LAMA5: variants seen among roughly 807,000 people sequenced by gnomAD.
LAMA5 encodes laminin subunit alpha-5.
In LAMA5, 260 loss-of-function variants were observed where a neutral mutation model predicts 433.4. That is an observed-to-expected ratio of 0.60 (90% confidence interval 0.54 to 0.66). The LOEUF is 0.66. Ranked by LOEUF, LAMA5 falls within the 30% of genes least tolerant of loss-of-function variation. The pLI is 0.00. For missense variants in LAMA5, 5,378 were observed against 5,258.5 expected (o/e 1.02, Z -0.70); for synonymous variants, 2,620 against 2,226.6 (o/e 1.18, Z -4.97).
At chr20:62,353,310 G>T in intron 2 of LAMA5, 59 bp from the exon 3 acceptor site, 2 of 1,254,726 alleles carry the variant, frequency 1.6e-6, no homozygotes, top group Non-Finnish European at 2.3e-6. Flanking sequence ...TGCTCCCAGG[G>T]GCCTGGCTCA....
Position 62,341,826 on chromosome 20 carries a change from C to CCA in LAMA5, c.1478-3219_1478-3218insTG, listed in dbSNP as rs1481794037. 4.4e-3 allele frequency among the ~76,000 whole-genome samples: 561 copies of CCA among 128,126 alleles called. 4 individuals carry two copies. The highest frequency in any genetic ancestry group is 0.019 in the African/African-American group (510 of 26,556). The allele number at this position is 128,126 out of a possible 152,430, so 84.1% of individuals were successfully genotyped here. A position where few individuals can be genotyped will look rare whatever the true frequency, so the allele number is the denominator to read the frequency against. On this transcript the variant is annotated intron_variant, in intron 11 of 79. Transcript: ENST00000252999. ...CGAACCTCTGTTAGGTCTGATCAAC[C>CCA]AAAAAAAAAAAAAAAAAAAAAGAAG...
At chr20:62,328,736 T>C in intron 34 of LAMA5, 108 bp downstream of exon 34, 2 of 1,149,620 alleles carry the variant, frequency 1.7e-6, no homozygotes, top group Middle Eastern at 2.8e-4. Context: ...AATGCTGCCC[T>C]GCCAGGCTCT....
At chr20:62,342,070 A>C (rs1982681317) in intron 11 of LAMA5, 1 of 160,282 alleles carries the variant, frequency 6.2e-6, no homozygotes, top group African/African-American at 2.4e-5. Context: ...TGGGAGGCCG[A>C]GGCAGGTGGA....
At chr20:62,357,500 G>A (rs971262915) in intron 2 of LAMA5, among the ~76,000 whole-genome samples, 3 of 152,168 alleles carry the variant, frequency 2.0e-5, no homozygotes, top group Admixed American at 6.5e-5. Context: ...CCACAGCAGG[G>A]GCGGGGCGGC....
intron 31 of LAMA5, 22 bp downstream of exon 31, chr20:62,330,466 A>G: frequency 3.3e-6 from 5 of 1,517,208 alleles, no homozygotes; most frequent in Non-Finnish European, 4.4e-6. Flanking sequence ...TAGCCTCTCC[A>G]CCCCCCACAC....
Position 62,331,084 on chromosome 20 carries a change from C to G in LAMA5, c.3598G>C (p.Val1200Leu). ...VPIEEFSPEFVEPRVSCISSH... is the reference protein window; with the variant it reads ...VPIEEFSPEFLEPRVSCISSH... ...CTGATGCAGCTGACCCGGGGCTCCA[C>G]GAACTCCGGGCTGAACTCCTCAATG... Residue 1200 changes from valine to leucine, a missense_variant, in exon 29 of 80, where the codon GTG becomes CTG. Transcript: ENST00000252999. 1 of 1,604,190 alleles carries G rather than the reference C, an allele frequency of 6.2e-7. No individual in the cohort carries two copies.
rs768160420 is a variant in LAMA5 at position 62,351,788 on chromosome 20, AT to A, written c.871del (p.Ile291SerfsTer153). ...GCGGCCTCCGATGCTGATATCCTTG[AT>A]GCTGTAATAATACTGCACCCGCAGG... Reference protein sequence around the residue: ...PTVTRRYYYSIKDISIGGRCV... With the variant: ...PTVTRRYYYSXKDISIGGRCV... On this transcript the variant is annotated frameshift_variant, in exon 6 of 80. Coordinates refer to ENST00000252999, the MANE Select transcript of LAMA5 (RefSeq NM_005560.6). LOFTEE classifies it high-confidence loss of function. 3 of 1,609,112 alleles carry A rather than the reference AT, an allele frequency of 1.9e-6. No homozygotes were observed. Among genetic ancestry groups the A allele is most frequent in the Non-Finnish European group, 2.5e-6 (3 of 1,178,980 alleles).
rs1466019737 is a variant in LAMA5 at position 62,331,155 on chromosome 20, C to T, written c.3553-26G>A. The T allele has an allele frequency of 6.0e-6, 9 of 1,501,786 alleles. No homozygotes were observed. In the South Asian group the frequency reaches 8.9e-5, roughly 15 times the overall value. The allele number at this position is 1,501,786 out of a possible 1,614,324, so 93.0% of individuals were successfully genotyped here. On this transcript the variant is annotated intron_variant, in intron 28 of 79. Coordinates refer to ENST00000252999, the MANE Select transcript of LAMA5 (RefSeq NM_005560.6). ...CTGCAGGCAGAGGGACGAGATGCTGCAACGCCCGTGGTGCGGGGAGGATAG... is the reference window on the plus strand; with the variant it reads ...CTGCAGGCAGAGGGACGAGATGCTGTAACGCCCGTGGTGCGGGGAGGATAG...
At chr20:62,327,502 G>A (rs1979512049) in intron 37 of LAMA5, 27 bp downstream of exon 37, 2 of 1,612,198 alleles carry the variant, frequency 1.2e-6, no homozygotes, top group Non-Finnish European at 8.5e-7. Context: ...CCCCGAGAAG[G>A]CAATGCCCTC....
Position 62,346,804 on chromosome 20 carries a change from G to C in LAMA5, c.1073-4C>G, listed in dbSNP as rs755129053. The stretch of plus-strand genomic sequence containing the variant: ...GCATGGCCGTAGCAGTTACAGGCTA[G>C]AGAGAGGGGAGCGCAGCTGTTGGCA... On this transcript the variant is annotated splice_polypyrimidine_tract_variant and splice_region_variant and intron_variant, in intron 7 of 79. Coordinates refer to ENST00000252999, the MANE Select transcript of LAMA5 (RefSeq NM_005560.6). The C allele has an allele frequency of 4.3e-6, 7 of 1,610,990 alleles. No homozygotes were observed. The highest frequency in any genetic ancestry group is 1.3e-5 in the African/African-American group (1 of 74,900).
In LAMA5 at chr20:62,327,747, T is replaced by G. The variant is rs117403854; in HGVS notation, c.4798-78A>C. The stretch of plus-strand genomic sequence containing the variant: ...CGGGTTCCTGGTACCCACCTGCCAA[T>G]GGGGATGACTCTCCCAAAAGCTTCT... On this transcript the variant is annotated intron_variant, in intron 36 of 79. Coordinates refer to ENST00000252999, the MANE Select transcript of LAMA5 (RefSeq NM_005560.6). The G allele has an allele frequency of 6.0e-3, 9,497 of 1,588,306 alleles. 41 individuals are homozygous for G. The highest frequency in any genetic ancestry group is 6.8e-3 in the Non-Finnish European group (7,932 of 1,164,474).
In LAMA5 at chr20:62,346,507, G is replaced by A. The variant is rs148389677; in HGVS notation, c.1281C>T (p.Arg427=). The A allele has an allele frequency of 2.9e-4, 453 of 1,550,972 alleles. 3 individuals are homozygous for A. In the African/African-American group the frequency reaches 5.5e-3, roughly 19 times the overall value. Residue 427 remains arginine, a splice_region_variant and synonymous_variant, in exon 9 of 80, where the codon CGC becomes CGT. Coordinates refer to ENST00000252999, the MANE Select transcript of LAMA5 (RefSeq NM_005560.6). ...NHPLDSPHVC[R]RCNCESDFTD... ...ACCCGCCCAGCTGAGCCCACTCACG[G>A]CGGCAGACGTGGGGCGAGTCGAGAG...
At position 62,333,497 on chromosome 20, in the gene LAMA5, GGT is replaced by G. The variant is rs753330953; in HGVS notation, c.3022-18_3022-17del. 5.0e-6 allele frequency: 8 copies of G among 1,606,236 alleles called. No homozygotes were observed. In the East Asian group the frequency reaches 1.8e-4, roughly 36 times the overall value. On this transcript the variant is annotated splice_polypyrimidine_tract_variant and intron_variant, in intron 24 of 79. Transcript: ENST00000252999. Reference sequence around the variant, plus strand: ...CCACGTAGTCCTGCAGGGTGGAGGTGGTGCTGAGAGTGGTGGGCCCCACCCCC... The same window carrying G: ...CCACGTAGTCCTGCAGGGTGGAGGTGGCTGAGAGTGGTGGGCCCCACCCCC...
rs763934877 is a variant in LAMA5 at position 62,335,006 on chromosome 20, C to T, written c.2482+15G>A. On this transcript the variant is annotated intron_variant, in intron 20 of 79. Transcript: ENST00000252999. ...AGGCAGGGCTGTGGTCTGGGACGAG[C>T]GAGTGGGCACTCACTGCGGCAGCCA... is the stretch of plus-strand genomic sequence containing the variant. 2.8e-5 allele frequency: 45 copies of T among 1,606,242 alleles called. No homozygotes were observed. The South Asian group carries it at 3.5e-4, about 13-fold the overall frequency.
At position 62,316,755 on chromosome 20, in the gene LAMA5, G is replaced by A. The variant is rs1357577802; in HGVS notation, c.7672C>T (p.Leu2558=). 3.1e-6 allele frequency: 5 copies of A among 1,607,272 alleles called. No homozygotes were observed. Among genetic ancestry groups the A allele is most frequent in the Admixed American group, 3.3e-5 (2 of 59,706 alleles). ...AGGAGCTGCTGGGCTCGGTCCACCA[G>A]GCCCTGCCGCACCACCGTCTGTGGA... The part of the protein sequence containing the change: ...HTWATVVRQG[L]VDRAQQLLAN... The change falls in exon 57 of 80, where the codon CTG becomes TTG. Residue 2558 remains leucine, a synonymous_variant. Coordinates refer to ENST00000252999, the MANE Select transcript of LAMA5 (RefSeq NM_005560.6).
chr20:62,345,692 TA>T, intron 11 of LAMA5, 125 bp downstream of exon 11: 1 of 711,496 alleles, frequency 1.4e-6, no homozygotes, highest in Non-Finnish European at 2.3e-6. Flanking sequence ...ATAATTTGCA[TA>T]AAAAGAAATA....
At position 62,316,600 on chromosome 20, in the gene LAMA5, G is replaced by A. The variant is rs79722286; in HGVS notation, c.7756+71C>T. Reference sequence around the variant, plus strand: ...ACAAACCCCACGTGTGCATGTGGCTGGGGGCTGAGGGTCCCTGGGAGCTCA... The same window carrying A: ...ACAAACCCCACGTGTGCATGTGGCTAGGGGCTGAGGGTCCCTGGGAGCTCA... On this transcript the variant is annotated intron_variant, in intron 57 of 79. Coordinates refer to ENST00000252999, the MANE Select transcript of LAMA5 (RefSeq NM_005560.6). The A allele has an allele frequency of 8.0e-5, 97 of 1,217,702 alleles. 2 individuals are homozygous for A. The East Asian group carries it at 2.3e-3, about 29-fold the overall frequency. 75.4% of individuals were successfully genotyped at this position (1,217,702 alleles called of 1,614,324 possible). A position where few individuals can be genotyped will look rare whatever the true frequency, so the allele number is the denominator to read the frequency against.
intron 57 of LAMA5, chr20:62,316,284 T>C (rs1986921811): frequency 1.7e-6 from 1 of 586,410 alleles, no homozygotes; most frequent in Non-Finnish European, 3.1e-6. Context: ...GCTGTCCCCA[T>C]TGTACAGATG....
rs1980150161 is a variant in LAMA5, at chr20:62,330,476, C to A, written c.3979+12G>T. 6.5e-7 allele frequency: 1 copy of A among 1,536,560 alleles called. No individual in the cohort carries two copies. The highest frequency in any genetic ancestry group is 2.4e-5 in the East Asian group (1 of 41,476). On this transcript the variant is annotated intron_variant, in intron 31 of 79. Coordinates refer to ENST00000252999, the MANE Select transcript of LAMA5 (RefSeq NM_005560.6). Reference sequence around the variant, plus strand: ...TGTGGTAGCCTCTCCACCCCCCACACCAGACACTCACCCTGCCACACGCGG... The same window carrying A: ...TGTGGTAGCCTCTCCACCCCCCACAACAGACACTCACCCTGCCACACGCGG...
Sources: gnomAD v4.1 joint callset for allele counts (sites outside exome capture counted in the v4.1 genomes callset) on GRCh38, gnomAD v4.1.1 for gene constraint, MANE v1.5 for transcripts, NCBI Gene and HGNC (gene_info 2026-07-23, HGNC 2026-07-21) for gene names.